The following FAT3 variants were observed in gnomAD, a reference collection of about 807,000 sequenced individuals.
FAT3 encodes protocadherin Fat 3.
In FAT3, 95 loss-of-function variants were observed where a neutral mutation model predicts 310.2. That is an observed-to-expected ratio of 0.31 (90% CI 0.26 to 0.36). The LOEUF is 0.36. Among genes scored for constraint, FAT3 ranks in the 10% least tolerant of loss-of-function variants. The probability of loss-of-function intolerance (pLI) is 1.00; values close to 1 mark genes in which losing one functional copy is unlikely to be tolerated. For synonymous variants in FAT3, 2,314 were observed against 2,192.9 expected, an observed-to-expected ratio of 1.06 and a Z score of -1.54; for missense variants, 5,408 against 5,715.6, an observed-to-expected ratio of 0.95 and a Z score of 1.74.
intron 19 of FAT3, among the ~76,000 whole-genome samples, chr11:92,847,931 A>G (rs182164088): frequency 1.3e-5 from 2 of 152,160 alleles, no homozygotes; most frequent in Admixed American, 1.3e-4. Context: ...ACACACACAC[A>G]CACACACACA....
chr11:92,696,686 G>GC (rs1439607862), intron 3 of FAT3, among the ~76,000 whole-genome samples: 1 of 152,154 alleles, frequency 6.6e-6, no homozygotes, highest in Admixed American at 6.5e-5. Flanking sequence ...GGTGCAATAA[G>GC]CTGAGAGGCC....
At chr11:92,691,784 T>C (rs1943805425) in intron 3 of FAT3, among the ~76,000 whole-genome samples, 1 of 152,190 alleles carries the variant, frequency 6.6e-6, no homozygotes, top group Non-Finnish European at 1.5e-5. Flanking sequence ...AAATAATTCC[T>C]ATTTCTCTGA....
rs1463814013 is a variant in FAT3, at chr11:92,253,644, T to C, written c.-18+28470T>C. 2.2e-4 allele frequency among the ~76,000 whole-genome samples: 34 copies of C among 152,142 alleles called. 1 individual carries two copies. Among genetic ancestry groups the C allele is most frequent in the Admixed American group, 2.2e-3 (34 of 15,266 alleles). On this transcript the variant is annotated intron_variant, in intron 1 of 27. Transcript: ENST00000525166. The stretch of plus-strand genomic sequence containing the variant: ...AAGGAAACCAACTGGGAAGCTTAAG[T>C]ATGTGGGATTTATAGAGAGCATTTC...
At chr11:92,568,473 G>A (rs575605278) in intron 3 of FAT3, among the ~76,000 whole-genome samples, 2 of 152,160 alleles carry the variant, frequency 1.3e-5, no homozygotes, top group South Asian at 4.2e-4. Flanking sequence ...ATTGCCTCAC[G>A]GGGATTGATG....
chr11:92,660,788 A>G (rs900407028), intron 3 of FAT3, among the ~76,000 whole-genome samples: 2 of 152,310 alleles, frequency 1.3e-5, no homozygotes, highest in Middle Eastern at 3.4e-3. Flanking sequence ...GTCAGCCATT[A>G]CTGACTTCAT....
intron 5 of FAT3, among the ~76,000 whole-genome samples, chr11:92,762,426 A>C (rs536961887): frequency 4.6e-5 from 7 of 152,260 alleles, no homozygotes; most frequent in Admixed American, 4.6e-4. Flanking sequence ...CTGTTTCACC[A>C]CATACTCAAC....
chr11:92,658,682 T>C (rs1942666917), intron 3 of FAT3, among the ~76,000 whole-genome samples: 2 of 152,188 alleles, frequency 1.3e-5, no homozygotes, highest in Non-Finnish European at 2.9e-5. Flanking sequence ...GTTTTAGTCT[T>C]TCAGATATTT....
intron 2 of FAT3, among the ~76,000 whole-genome samples, chr11:92,382,530 C>T (rs2134768703): frequency 6.6e-6 from 1 of 152,266 alleles, no homozygotes; most frequent in East Asian, 1.9e-4. Context: ...AGAGGGACCC[C>T]TAAAGGTAGA....
At chr11:92,306,605 TTTATATTATATATTTATA>T (rs1947129829) in intron 1 of FAT3, among the ~76,000 whole-genome samples, 1 of 126,974 alleles carries the variant, frequency 7.9e-6, no homozygotes, top group African/African-American at 3.0e-5. Context: ...ATATTATATA[TTTATATTATATATTTATA>T]TTATATTTAT....
intron 18 of FAT3, among the ~76,000 whole-genome samples, chr11:92,842,899 T>A (rs550185349): frequency 6.6e-6 from 1 of 152,112 alleles, no homozygotes; most frequent in East Asian, 1.9e-4. Context: ...ACAAAACAAA[T>A]AAACAAATAA....
At chr11:92,490,841 G>C (rs1262028353) in intron 2 of FAT3, among the ~76,000 whole-genome samples, 2 of 152,070 alleles carry the variant, frequency 1.3e-5, no homozygotes, top group African/African-American at 2.4e-5. Context: ...TAGGCAGCTT[G>C]ATGTATATAT....
intron 2 of FAT3, among the ~76,000 whole-genome samples, chr11:92,482,571 C>T (rs1952259216): frequency 6.6e-6 from 1 of 152,206 alleles, no homozygotes; most frequent in Non-Finnish European, 1.5e-5. Context: ...TATCACTGTC[C>T]TGGCCCCATC....
chr11:92,404,803 C>A (rs538192615), intron 2 of FAT3, among the ~76,000 whole-genome samples: 6 of 152,012 alleles, frequency 3.9e-5, no homozygotes, highest in African/African-American at 1.4e-4. Flanking sequence ...CCATTGAGAG[C>A]TCATGTAGAA....
At chr11:92,236,518 T>A (rs1004099896) in intron 1 of FAT3, among the ~76,000 whole-genome samples, 1 of 152,232 alleles carries the variant, frequency 6.6e-6, no homozygotes, top group African/African-American at 2.4e-5. Flanking sequence ...ATTTCCTGAA[T>A]GAATAGAAAT....
At position 92,352,536 on chromosome 11, in the gene FAT3, A is replaced by G; in HGVS notation, c.424A>G (p.Thr142Ala). ...CAGAGGAGAGGATTTGGAAGCATGG[A>G]CCAAAGTGAATATACAGGTTTTAGA... ...SVRGEDLEAWTKVNIQVLDMN... is the reference protein window; with the variant it reads ...SVRGEDLEAWAKVNIQVLDMN... The change falls in exon 2 of 28, where the codon ACC (threonine) becomes GCC (alanine). Residue 142 changes from threonine (T) to alanine (A), a missense_variant. Around this residue, in one of 5 missense-constraint regions of FAT3, gnomAD observed 152 missense variants for 188.3 expected, o/e 0.81. Coordinates refer to ENST00000525166, the MANE Select transcript of FAT3 (RefSeq NM_001367949.2). 1 of 1,613,678 alleles carries G rather than the reference A, an allele frequency of 6.2e-7. No homozygotes were observed. Among genetic ancestry groups the G allele is most frequent in the South Asian group, 1.1e-5 (1 of 91,012 alleles).
chr11:92,808,377 C>T (rs1195586564), intron 12 of FAT3, among the ~76,000 whole-genome samples: 3 of 152,174 alleles, frequency 2.0e-5, no homozygotes, highest in African/African-American at 7.2e-5. Flanking sequence ...CATTTGAACT[C>T]AGCCAGGATT....
At chr11:92,730,242 G>T (rs772695256) in intron 4 of FAT3, among the ~76,000 whole-genome samples, 1 of 152,186 alleles carries the variant, frequency 6.6e-6, no homozygotes, top group African/African-American at 2.4e-5. Flanking sequence ...GAAGGCTGAT[G>T]AGGGAGGATC....
intron 1 of FAT3, among the ~76,000 whole-genome samples, chr11:92,269,862 G>A (rs1946075863): frequency 6.6e-6 from 1 of 152,106 alleles, no homozygotes; most frequent in South Asian, 2.1e-4. Context: ...AGAAAGTTGA[G>A]CTTTGAGAAG....
intron 3 of FAT3, among the ~76,000 whole-genome samples, chr11:92,637,427 CAAAAT>C (rs1941804266): frequency 1.3e-5 from 2 of 152,246 alleles, no homozygotes; most frequent in African/African-American, 4.8e-5. Flanking sequence ...GTTTCAGTAA[CAAAAT>C]AAAGACAATG....
Sources: allele counts gnomAD v4.1 joint callset (sites outside exome capture counted in the v4.1 genomes callset), GRCh38; gene constraint gnomAD v4.1.1; regional missense constraint gnomAD v4.1.1; transcripts MANE v1.5; gene names NCBI Gene and HGNC (gene_info 2026-07-23, HGNC 2026-07-21).